The following AFF3 variants were observed in gnomAD, a reference collection of about 807,000 sequenced individuals.
AFF3 encodes the protein ALF transcription elongation factor 3.
AFF3 carries 32 observed loss-of-function variants against 129.7 expected under a neutral mutation model. The observed-to-expected ratio is 0.25, with a 90% CI of 0.19 to 0.33. AFF3 has a LOEUF of 0.33. AFF3 is among the 10% of genes least tolerant of loss of function. The pLI is 1.00. For missense variants in AFF3, 1,373 were observed against 1,592.0 expected (o/e 0.86, Z 2.34); for synonymous variants, 644 against 635.4 (o/e 1.01, Z -0.20).
rs147845648 is a variant in AFF3, at chr2:99,653,089, C to A, written c.1144-3423G>T. On this transcript the variant is annotated intron_variant, in intron 12 of 24. Coordinates refer to ENST00000672756, the MANE Select transcript of AFF3 (RefSeq NM_001386135.1). ...AGGCAACAGGTGGCATCACTGCTGG[C>A]AGGTTTGTCTCCTGGAGAGTTTCCC... 8.4e-3 allele frequency among the ~76,000 whole-genome samples: 1,273 copies of A among 152,284 alleles called. 14 individuals are homozygous for A. The highest frequency in any genetic ancestry group is 0.061 in the Middle Eastern group (18 of 294).
intron 7 of AFF3, among the ~76,000 whole-genome samples, chr2:99,960,441 T>A (rs796958340): frequency 4.1e-5 from 6 of 145,700 alleles, no homozygotes; most frequent in African/African-American, 1.6e-4. Context: ...TATTACTATT[T>A]ACAATTATTT....
intron 7 of AFF3, among the ~76,000 whole-genome samples, chr2:99,962,249 A>C (rs563820910): frequency 4.6e-5 from 7 of 152,356 alleles, no homozygotes; most frequent in Admixed American, 1.3e-4. Context: ...CCAAAGTAGC[A>C]CTACAAAGGC....
At chr2:100,105,478 C>T (rs1423484407) in intron 3 of AFF3, 26 bp downstream of exon 3, 11 of 1,326,478 alleles carry the variant, frequency 8.3e-6, no homozygotes, top group African/African-American at 1.5e-5. Context: ...CCCTGGAAAC[C>T]AACCTCCTTT....
At chr2:99,890,612 T>C (rs1693476902) in intron 7 of AFF3, among the ~76,000 whole-genome samples, 1 of 152,136 alleles carries the variant, frequency 6.6e-6, no homozygotes, top group Non-Finnish European at 1.5e-5. Context: ...AGTTCTGCAC[T>C]TTCTCCCAAC....
chr2:100,007,090 A>G (rs1682041900), intron 6 of AFF3, 58 bp downstream of exon 6: 1 of 1,592,404 alleles, frequency 6.3e-7, no homozygotes, highest in Non-Finnish European at 8.5e-7. Flanking sequence ...TTTTTTCATT[A>G]TAGTTCTCTG....
At chr2:99,731,742 A>G (rs905294758) in intron 10 of AFF3, among the ~76,000 whole-genome samples, 2 of 152,242 alleles carry the variant, frequency 1.3e-5, no homozygotes, top group African/African-American at 4.8e-5. Context: ...CAGCTTGAGT[A>G]GACCTGAACA....
chr2:99,986,201 AAATAATAATAATAATAATAATAAT>A (rs35535526), intron 7 of AFF3, among the ~76,000 whole-genome samples: 3 of 137,102 alleles, frequency 2.2e-5, no homozygotes, highest in African/African-American at 8.1e-5. Context: ...ACTTCATCTC[AAATAATAATAATAATAATAATAAT>A]AATAATAATA....
At chr2:99,898,725 C>T (rs56323431) in intron 7 of AFF3, among the ~76,000 whole-genome samples, 5,707 of 152,236 alleles carry the variant, frequency 0.037, 376 homozygotes, top group African/African-American at 0.13. Flanking sequence ...TGCGGCCACC[C>T]ACTCTGATCA....
chr2:100,025,971 T>A (rs1684003746), intron 4 of AFF3, among the ~76,000 whole-genome samples: 1 of 152,202 alleles, frequency 6.6e-6, no homozygotes, highest in Non-Finnish European at 1.5e-5. Context: ...GGAAAAACCC[T>A]TCTAGACATT....
chr2:99,845,957 C>T lies in AFF3; in HGVS notation c.874-8433G>A, dbSNP rs535486161. Among the ~76,000 whole-genome samples, 10 of 152,152 alleles carry T rather than the reference C, an allele frequency of 6.6e-5. No individual in the cohort carries two copies. In the East Asian group the frequency reaches 1.4e-3, roughly 21 times the overall value. On this transcript the variant is annotated intron_variant, in intron 7 of 24. Transcript: ENST00000672756. ...ACACCATTCTCCTGCCTCAGCCTCC[C>T]GAGTAGCTGGGACTACAGGTGCCCA...
rs1202120809 is a variant in AFF3 at position 99,547,383 on chromosome 2, CTGTACA to C, written c.*4085_*4090del. 1 of 218,102 alleles carries C rather than the reference CTGTACA, an allele frequency of 4.6e-6. No homozygotes were observed. Among genetic ancestry groups the C allele is most frequent in the African/African-American group, 2.2e-5 (1 of 44,458 alleles). The allele number at this position is 218,102 out of a possible 1,614,324, so 13.5% of individuals were successfully genotyped here. The stretch of plus-strand genomic sequence containing the variant: ...AGATAAATTAAGTCACAATAATATC[CTGTACA>C]TGCATTAAGGCTGGTGACTGCTAAA... On this transcript the variant is annotated 3_prime_UTR_variant, in exon 25 of 25. Coordinates refer to ENST00000672756, the MANE Select transcript of AFF3 (RefSeq NM_001386135.1).
At chr2:99,953,336 C>T (rs1167229975) in intron 7 of AFF3, among the ~76,000 whole-genome samples, 2 of 152,138 alleles carry the variant, frequency 1.3e-5, no homozygotes, top group African/African-American at 4.8e-5. Flanking sequence ...CCTTAATCCA[C>T]AAGTTCTTTG....
chr2:99,845,811 CTTTAT>C (rs1167904830), intron 7 of AFF3, among the ~76,000 whole-genome samples: 3 of 152,104 alleles, frequency 2.0e-5, no homozygotes, highest in Admixed American at 6.6e-5. Context: ...TTTCCTGAAT[CTTTAT>C]TTTAATTAAA....
intron 7 of AFF3, among the ~76,000 whole-genome samples, chr2:99,858,533 A>C (rs1690705313): frequency 6.6e-6 from 1 of 152,168 alleles, no homozygotes; most frequent in South Asian, 2.1e-4. Flanking sequence ...CCCAGGCAAC[A>C]GAGTGAGACC....
chr2:100,107,317 C>A, intron 2 of AFF3: 2 of 985,236 alleles, frequency 2.0e-6, no homozygotes, highest in Non-Finnish European at 2.4e-6. Context: ...TGAAGATGTT[C>A]CTATTATCCT....
At chr2:99,798,037 A>G (rs1685674856) in intron 8 of AFF3, among the ~76,000 whole-genome samples, 2 of 152,226 alleles carry the variant, frequency 1.3e-5, no homozygotes, top group African/African-American at 4.8e-5. Flanking sequence ...TTAAAATATA[A>G]TTGATTAGTT....
At chr2:99,766,079 G>C (rs1682984393) in intron 8 of AFF3, among the ~76,000 whole-genome samples, 1 of 152,234 alleles carries the variant, frequency 6.6e-6, no homozygotes, top group African/African-American at 2.4e-5. Flanking sequence ...CAAGCTGGGA[G>C]TGTAGCGGGA....
chr2:100,067,687 C>T (rs1687840509), intron 4 of AFF3, among the ~76,000 whole-genome samples: 1 of 152,066 alleles, frequency 6.6e-6, no homozygotes, highest in Admixed American at 6.6e-5. Context: ...TTAAGACTCT[C>T]GGTAGCCCAT....
chr2:99,644,830 T>C (rs1401422440), intron 13 of AFF3, among the ~76,000 whole-genome samples: 1 of 152,238 alleles, frequency 6.6e-6, no homozygotes, highest in Non-Finnish European at 1.5e-5. Context: ...TTGGCGGTGA[T>C]GTGGCTTCTT....
Sources: allele counts gnomAD v4.1 joint callset (sites outside exome capture counted in the v4.1 genomes callset), GRCh38; gene constraint gnomAD v4.1.1; transcripts MANE v1.5; gene names NCBI Gene and HGNC (gene_info 2026-07-23, HGNC 2026-07-21).